SH3GL2: variants seen among roughly 807,000 people sequenced by gnomAD.
The protein encoded by SH3GL2 is endophilin-A1.
In SH3GL2, 24 loss-of-function variants were observed where a neutral mutation model predicts 46.0. That is an observed-to-expected ratio of 0.52 (90% CI 0.38 to 0.73). SH3GL2 has a LOEUF of 0.73. Ranked by LOEUF, SH3GL2 falls within the 30% of genes least tolerant of loss-of-function variation. SH3GL2 has a pLI of 0.00. For synonymous variants in SH3GL2, 196 were observed against 147.1 expected, an observed-to-expected ratio of 1.33 and a Z score of -2.40; for missense variants, 413 against 424.2, an observed-to-expected ratio of 0.97 and a Z score of 0.23.
intron 1 of SH3GL2, among the ~76,000 whole-genome samples, chr9:17,734,329 C>T (rs577243051): frequency 1.2e-4 from 19 of 152,168 alleles, no homozygotes; most frequent in African/African-American, 4.6e-4. Context: ...TCACCTTGTT[C>T]TTAGGTAACA....
At chr9:17,713,771 T>C (rs1257633984) in intron 1 of SH3GL2, among the ~76,000 whole-genome samples, 1 of 151,772 alleles carries the variant, frequency 6.6e-6, no homozygotes, top group Admixed American at 6.6e-5. Flanking sequence ...TCCTTTTAAA[T>C]GTATTGAGAA....
intron 1 of SH3GL2, among the ~76,000 whole-genome samples, chr9:17,745,870 T>A (rs1822667408): frequency 6.6e-6 from 1 of 152,148 alleles, no homozygotes; most frequent in African/African-American, 2.4e-5. Flanking sequence ...CATACTTTGA[T>A]ATCTGTGTGC....
At chr9:17,600,083 G>A (rs1466600516) in intron 1 of SH3GL2, among the ~76,000 whole-genome samples, 1 of 152,090 alleles carries the variant, frequency 6.6e-6, no homozygotes, top group African/African-American at 2.4e-5. Context: ...CCTAGCCACT[G>A]TAGTTGGGAT....
At chr9:17,644,505 C>G (rs1819759140) in intron 1 of SH3GL2, among the ~76,000 whole-genome samples, 1 of 152,044 alleles carries the variant, frequency 6.6e-6, no homozygotes, top group African/African-American at 2.4e-5. Context: ...TGGCTGTGTC[C>G]CAGAGATTCT....
intron 1 of SH3GL2, among the ~76,000 whole-genome samples, chr9:17,662,353 G>T (rs1588214622): frequency 6.6e-6 from 1 of 152,184 alleles, no homozygotes; most frequent in Admixed American, 6.5e-5. Context: ...CAAAGAAGCT[G>T]TAGTGAGAGA....
intron 3 of SH3GL2, among the ~76,000 whole-genome samples, chr9:17,772,872 G>T (rs1823530091): frequency 1.3e-5 from 2 of 152,144 alleles, no homozygotes; most frequent in African/African-American, 4.8e-5. Context: ...AAATGGAATT[G>T]CTGGAACTTA....
chr9:17,702,569 T>C (rs1821365379), intron 1 of SH3GL2, among the ~76,000 whole-genome samples: 1 of 152,106 alleles, frequency 6.6e-6, no homozygotes, highest in Non-Finnish European at 1.5e-5. Context: ...CATGACTGAA[T>C]TTCTTTATTT....
chr9:17,787,361 G>C lies in SH3GL2; in HGVS notation c.332-19G>C. On this transcript the variant is annotated intron_variant, in intron 4 of 8. Transcript: ENST00000380607. ...TTCATCTTTATTCTGTAACATGAAA[G>C]AGCTTTATTCTCTCCTAGGCCCAGC... is the stretch of plus-strand genomic sequence containing the variant. 6.2e-7 allele frequency: 1 copy of C among 1,603,762 alleles called. No individual in the cohort carries two copies. Among genetic ancestry groups the C allele is most frequent in the Non-Finnish European group, 8.5e-7 (1 of 1,175,372 alleles).
intron 1 of SH3GL2, among the ~76,000 whole-genome samples, chr9:17,619,760 A>C (rs752373099): frequency 1.3e-5 from 2 of 152,156 alleles, no homozygotes; most frequent in African/African-American, 4.8e-5. Context: ...GGCTCTGTCC[A>C]TTTTTTCACA....
intron 1 of SH3GL2, among the ~76,000 whole-genome samples, chr9:17,722,104 T>C: frequency 6.6e-6 from 1 of 152,004 alleles, no homozygotes; most frequent in East Asian, 1.9e-4. Flanking sequence ...AATCTGAAGG[T>C]GGTGAGGAAG....
chr9:17,605,108 G>C (rs943530300), intron 1 of SH3GL2, among the ~76,000 whole-genome samples: 69 of 151,828 alleles, frequency 4.5e-4, no homozygotes, highest in African/African-American at 1.6e-3. Flanking sequence ...GAGTAGCTGG[G>C]AATACAGGCA....
chr9:17,684,070 A>G (rs900576176), intron 1 of SH3GL2, among the ~76,000 whole-genome samples: 14 of 152,136 alleles, frequency 9.2e-5, no homozygotes, highest in African/African-American at 3.4e-4. Flanking sequence ...AGTGAGGTAA[A>G]ACAACACACA....
intron 3 of SH3GL2, among the ~76,000 whole-genome samples, chr9:17,779,666 A>G (rs1317825535): frequency 7.9e-5 from 12 of 152,126 alleles, no homozygotes; most frequent in Non-Finnish European, 1.6e-4. Context: ...CTGTTCTTGA[A>G]TTTTGTTTCA....
At chr9:17,750,081 C>T (rs888995567) in intron 2 of SH3GL2, among the ~76,000 whole-genome samples, 3 of 152,152 alleles carry the variant, frequency 2.0e-5, no homozygotes, top group South Asian at 4.1e-4. Flanking sequence ...GCAAATTTTG[C>T]ACCCTCCACT....
At chr9:17,622,986 GT>G in intron 1 of SH3GL2, among the ~76,000 whole-genome samples, 1 of 99,412 alleles carries the variant, frequency 1.0e-5, no homozygotes, top group Admixed American at 1.0e-4. Flanking sequence ...GTTTCCTTTC[GT>G]TTCCTTTCCT....
intron 3 of SH3GL2, among the ~76,000 whole-genome samples, chr9:17,776,872 G>T (rs749565850): frequency 6.6e-6 from 1 of 152,130 alleles, no homozygotes; most frequent in East Asian, 1.9e-4. Context: ...CAAGCTACCA[G>T]TGTGACATCA....
At chr9:17,752,922 C>T (rs1356540232) in intron 2 of SH3GL2, among the ~76,000 whole-genome samples, 1 of 152,112 alleles carries the variant, frequency 6.6e-6, no homozygotes, top group East Asian at 1.9e-4. Context: ...CTTGTGTTCT[C>T]ATCATTTTTG....
chr9:17,652,046 AT>A (rs1563798519), intron 1 of SH3GL2, among the ~76,000 whole-genome samples: 1 of 151,762 alleles, frequency 6.6e-6, no homozygotes, highest in Admixed American at 6.6e-5. Context: ...GATTGACTGG[AT>A]TTTTTTTAGT....
At chr9:17,662,094 A>G (rs1302264308) in intron 1 of SH3GL2, among the ~76,000 whole-genome samples, 1 of 152,218 alleles carries the variant, frequency 6.6e-6, no homozygotes. Flanking sequence ...CTTGCTGAAT[A>G]TTCCATGAGT....
Sources: gnomAD v4.1 joint callset for allele counts (sites outside exome capture counted in the v4.1 genomes callset) on GRCh38, gnomAD v4.1.1 for gene constraint, MANE v1.5 for transcripts, NCBI Gene and HGNC (gene_info 2026-07-23, HGNC 2026-07-21) for gene names.